Variants in MYO9B observed in about 807,000 individuals in gnomAD.
The protein encoded by MYO9B is myosin IXB.
In MYO9B, 71 loss-of-function variants were observed where a neutral mutation model predicts 229.5. That is an observed-to-expected ratio of 0.31 (90% CI 0.26 to 0.38). MYO9B has a LOEUF of 0.38. Among genes scored for constraint, MYO9B ranks in the 10% least tolerant of loss-of-function variants. MYO9B has a pLI of 1.00. For missense variants in MYO9B, 2,255 were observed against 2,920.5 expected, an observed-to-expected ratio of 0.77 and a Z score of 5.25; for synonymous variants, 1,185 against 1,235.8, an observed-to-expected ratio of 0.96 and a Z score of 0.86.
chr19:17,205,915 G>A (rs1436441373), intron 31 of MYO9B, 45 bp from the exon 32 acceptor site: 2 of 1,508,142 alleles, frequency 1.3e-6, no homozygotes, highest in East Asian at 2.3e-5. Flanking sequence ...AGCTGGAGAG[G>A]AAGACAGCCA....
At chr19:17,151,915 C>T (rs2145265965) in intron 3 of MYO9B, among the ~76,000 whole-genome samples, 1 of 152,268 alleles carries the variant, frequency 6.6e-6, no homozygotes, top group African/African-American at 2.4e-5. Context: ...ATGCTGGGTG[C>T]AGTGGCTCAT....
In MYO9B at chr19:17,115,551, C is replaced by G. The variant is rs560982598; in HGVS notation, c.840+12994C>G. On this transcript the variant is annotated intron_variant, in intron 2 of 39. Transcript: ENST00000682292. ...TGGTGCGATCTCAGTTCACTGCAACCTCCGCCTCCCGGGTTCAAGCAATTC... is the reference window on the plus strand; with the variant it reads ...TGGTGCGATCTCAGTTCACTGCAACGTCCGCCTCCCGGGTTCAAGCAATTC... Among the ~76,000 whole-genome samples, 15 of 151,012 alleles carry G rather than the reference C, an allele frequency of 9.9e-5. 1 individual carries two copies. The highest frequency in any genetic ancestry group is 9.7e-4 in the East Asian group (5 of 5,146).
chr19:17,205,703 T>TTA lies in MYO9B; in HGVS notation c.5065-254_5065-253dup, dbSNP rs531756632. Among the ~76,000 whole-genome samples, 84 of 151,950 alleles carry TTA rather than the reference T, an allele frequency of 5.5e-4. 1 individual carries two copies. The South Asian group carries it at 0.017, about 31-fold the overall frequency. ...CTGTGAGGTGGCTGTGGGGGCTAGG[T>TTA]TATAGCTCTCTCCCCACGAAGGACC... On this transcript the variant is annotated intron_variant, in intron 31 of 39. Transcript: ENST00000682292.
chr19:17,181,343 A>G (rs1311929672), intron 15 of MYO9B, among the ~76,000 whole-genome samples: 2 of 152,198 alleles, frequency 1.3e-5, no homozygotes, highest in African/African-American at 2.4e-5. Flanking sequence ...CCCCGTGCCT[A>G]TCTGGCTTGC....
chr19:17,118,448 A>T (rs1386520980), intron 2 of MYO9B, among the ~76,000 whole-genome samples: 1 of 151,868 alleles, frequency 6.6e-6, no homozygotes, highest in Non-Finnish European at 1.5e-5. Flanking sequence ...ATTTTTTAAA[A>T]TTTTTTAAAA....
intron 26 of MYO9B, 146 bp downstream of exon 26, chr19:17,200,975 A>G: frequency 1.0e-6 from 1 of 960,654 alleles, no homozygotes; most frequent in South Asian, 1.6e-5. Flanking sequence ...ACAGTGGTTC[A>G]TGTTTGTCAT....
At chr19:17,211,195 G>A (rs937814252) in intron 38 of MYO9B, among the ~76,000 whole-genome samples, 3 of 151,892 alleles carry the variant, frequency 2.0e-5, no homozygotes, top group Non-Finnish European at 4.4e-5. Flanking sequence ...TGGCCAGGCT[G>A]GTCTTGAACT....
rs1186480782 is a variant in MYO9B at position 17,192,879 on chromosome 19, C to T, written c.2945C>T (p.Ala982Val). The T allele has an allele frequency of 6.4e-7, 1 of 1,550,392 alleles. No homozygotes were observed. Among genetic ancestry groups the T allele is most frequent in the Admixed American group, 2.0e-5 (1 of 51,016 alleles). Residue 982 changes from alanine (A) to valine (V), a missense_variant, in exon 21 of 40, where the codon GCC (alanine) becomes GTC (valine). Coordinates refer to ENST00000682292, the MANE Select transcript of MYO9B (RefSeq NM_004145.4). ...ERRHFLQMKR[A>V]AVTIQACWRS... ...CGGCACTTCCTGCAGATGAAGCGGG[C>T]CGCCGTCACCATCCAGGCCTGCTGG...
chr19:17,196,982 G>C (rs562415809), intron 22 of MYO9B, among the ~76,000 whole-genome samples: 30 of 152,080 alleles, frequency 2.0e-4, no homozygotes, highest in Non-Finnish European at 4.1e-4. Context: ...CGGATGGGTA[G>C]AAGATAGGTA....
chr19:17,104,226 C>T (rs896768636), intron 2 of MYO9B, among the ~76,000 whole-genome samples: 3 of 152,094 alleles, frequency 2.0e-5, no homozygotes, highest in Non-Finnish European at 4.4e-5. Flanking sequence ...GCCAGCAAGG[C>T]GTACGGCAGG....
chr19:17,125,252 G>A (rs1666245585), intron 2 of MYO9B, among the ~76,000 whole-genome samples: 1 of 150,078 alleles, frequency 6.7e-6, no homozygotes, highest in Non-Finnish European at 1.5e-5. Flanking sequence ...AGTGAGCCAA[G>A]ATCATGCCAC....
intron 1 of MYO9B, among the ~76,000 whole-genome samples, chr19:17,096,706 G>GTTGTTGGT (rs2057695174): frequency 9.4e-5 from 2 of 21,386 alleles, no homozygotes; most frequent in African/African-American, 2.2e-4. Context: ...GTTGTTGTTG[G>GTTGTTGGT]TTTTTTTTTT....
In MYO9B at chr19:17,200,639, C is replaced by T. The variant is rs769823113; in HGVS notation, c.4373C>T (p.Ala1458Val). ...EATTMKKGLE[A>V]PSGQQHRHAA... Reference sequence around the variant, plus strand: ...CCGGCTGCTTCCTGTCCCCCCTCAGCCCCCTCCGGACAGCAGCATCGCCAC... The same window carrying T: ...CCGGCTGCTTCCTGTCCCCCCTCAGTCCCCTCCGGACAGCAGCATCGCCAC... Residue 1458 changes from alanine (A) to valine (V), a missense_variant and splice_region_variant, in exon 26 of 40, where the codon GCC (alanine) becomes GTC (valine). Physicochemically the swap from Ala to Val is moderately conservative, Grantham distance 64. Around this residue, in one of 7 missense-constraint regions of MYO9B, gnomAD observed 679 missense variants for 770.2 expected, o/e 0.88. Coordinates refer to ENST00000682292, the MANE Select transcript of MYO9B (RefSeq NM_004145.4). 6.8e-6 allele frequency: 11 copies of T among 1,611,042 alleles called. No homozygotes were observed. In the African/African-American group the frequency reaches 1.3e-4, roughly 20 times the overall value.
At chr19:17,160,510 C>CTTTTTTTTTTT (rs34857957) in intron 8 of MYO9B, among the ~76,000 whole-genome samples, 16 of 128,168 alleles carry the variant, frequency 1.2e-4, no homozygotes, top group East Asian at 4.4e-4. Flanking sequence ...TCTTTTTTTT[C>CTTTTTTTTTTT]TTTTTTTTTT....
rs369040457 is a variant in MYO9B at position 17,157,002 on chromosome 19, A to T, written c.1293A>T (p.Pro431=). The change falls in exon 7 of 40, where the codon CCA becomes CCT. Residue 431 remains proline, a synonymous_variant. Transcript: ENST00000682292. ...GAGAGGAAGGGTTGGAGGTCGGGCC[A>T]CCCGAGGTGCTGGACACCCTGTCGC... ...TGREEGLEVG[P]PEVLDTLSQL... 448 of 1,613,746 alleles carry T rather than the reference A, an allele frequency of 2.8e-4. 4 individuals carry two copies. Among genetic ancestry groups the T allele is most frequent in the Middle Eastern group, 1.5e-3 (9 of 5,968 alleles).
At chr19:17,086,287 G>A (rs1423165716) in intron 1 of MYO9B, among the ~76,000 whole-genome samples, 7 of 152,292 alleles carry the variant, frequency 4.6e-5, no homozygotes, top group East Asian at 3.9e-4. Context: ...GCCACACTGG[G>A]CTCCTTGTTC....
intron 34 of MYO9B, 64 bp from the exon 35 acceptor site, chr19:17,207,049 C>T (rs935794384): frequency 2.5e-5 from 40 of 1,578,312 alleles, no homozygotes; most frequent in Middle Eastern, 2.2e-4. Flanking sequence ...AGTTCAGTCT[C>T]GGGGCTCCCT....
intron 2 of MYO9B, among the ~76,000 whole-genome samples, chr19:17,124,597 C>T (rs1032117197): frequency 6.6e-6 from 1 of 151,740 alleles, no homozygotes; most frequent in Non-Finnish European, 1.5e-5. Flanking sequence ...CATGGCAAAA[C>T]CCCGTCTCTA....
chr19:17,159,997 G>A (rs1352740666), intron 8 of MYO9B, among the ~76,000 whole-genome samples: 1 of 152,158 alleles, frequency 6.6e-6, no homozygotes, highest in African/African-American at 2.4e-5. Context: ...CTCCCAGCCT[G>A]TGAGTCTCAA....
Sources: allele counts gnomAD v4.1 joint callset (sites outside exome capture counted in the v4.1 genomes callset), GRCh38; gene constraint gnomAD v4.1.1; regional missense constraint gnomAD v4.1.1; transcripts MANE v1.5; gene names NCBI Gene and HGNC (gene_info 2026-07-23, HGNC 2026-07-21).